Variants in PTPRN2 observed in about 807,000 individuals in gnomAD.
PTPRN2 encodes the protein receptor-type tyrosine-protein phosphatase N2.
In PTPRN2, 74 loss-of-function variants were observed where a neutral mutation model predicts 118.8. The observed-to-expected ratio is 0.62, with a 90% CI of 0.52 to 0.76. PTPRN2 has a LOEUF of 0.76. PTPRN2 is among the 30% of genes least tolerant of loss of function. The probability of loss-of-function intolerance (pLI) is 0.00; values close to 1 mark genes in which losing one functional copy is unlikely to be tolerated. For missense variants in PTPRN2, 1,481 were observed against 1,394.4 expected, an observed-to-expected ratio of 1.06 and a Z score of -0.99; for synonymous variants, 641 against 608.0, an observed-to-expected ratio of 1.05 and a Z score of -0.80.
Position 157,903,076 on chromosome 7 carries a change from G to A in PTPRN2, c.1724-4339C>T, listed in dbSNP as rs911848935. Among the ~76,000 whole-genome samples, 8 of 152,078 alleles carry A rather than the reference G, an allele frequency of 5.3e-5. No individual in the cohort carries two copies. The highest frequency in any genetic ancestry group is 9.7e-5 in the African/African-American group (4 of 41,390). On this transcript the variant is annotated intron_variant, in intron 11 of 22. Transcript: ENST00000389418. The surrounding 1 kb of genome is among the most constrained non-coding windows in gnomAD (Gnocchi z 4.2). The stretch of plus-strand genomic sequence containing the variant: ...TTAACGCAAAAGCAGAAAGCCACAC[G>A]CTGCCACACACTCTCACACGGAAGC...
At chr7:158,154,283 C>T (rs1211260053) in intron 6 of PTPRN2, among the ~76,000 whole-genome samples, 1 of 152,214 alleles carries the variant, frequency 6.6e-6, no homozygotes, top group East Asian at 1.9e-4. Flanking sequence ...GGAAACCCAT[C>T]CAGCCTCTTC....
At chr7:158,159,313 C>T (rs941411481) in intron 6 of PTPRN2, among the ~76,000 whole-genome samples, 7 of 152,236 alleles carry the variant, frequency 4.6e-5, no homozygotes, top group Admixed American at 6.5e-5. Flanking sequence ...CATGAGTTTC[C>T]GAGTGCACTT....
At chr7:158,489,196 A>G (rs933833409) in intron 2 of PTPRN2, among the ~76,000 whole-genome samples, 1 of 152,224 alleles carries the variant, frequency 6.6e-6, no homozygotes, top group African/African-American at 2.4e-5. Flanking sequence ...CTGTAATCCC[A>G]GCAGTTTGGG....
intron 12 of PTPRN2, among the ~76,000 whole-genome samples, chr7:157,685,552 G>A (rs900249143): frequency 1.5e-4 from 23 of 152,130 alleles, no homozygotes; most frequent in African/African-American, 5.5e-4. Flanking sequence ...GGCAGGGGAC[G>A]CGCGGGGGCC....
intron 6 of PTPRN2, among the ~76,000 whole-genome samples, chr7:158,150,475 C>G (rs1355909559): frequency 6.6e-6 from 1 of 152,196 alleles, no homozygotes; most frequent in Non-Finnish European, 1.5e-5. Flanking sequence ...GCGGATGTTC[C>G]TGTGTCCCCT....
Position 158,071,366 on chromosome 7 carries a change from C to T in PTPRN2, c.1723+9932G>A, listed in dbSNP as rs1172303304. 1.9e-3 allele frequency among the ~76,000 whole-genome samples: 94 copies of T among 50,190 alleles called. 4 individuals are homozygous for T. The highest frequency in any genetic ancestry group is 6.2e-3 in the African/African-American group (73 of 11,764). The allele number at this position is 50,190 out of a possible 152,430, so 32.9% of individuals were successfully genotyped here. A position where few individuals can be genotyped will look rare whatever the true frequency, so the allele number is the denominator to read the frequency against. ...AGGTGCTCGTGGTGGTGGAGGTGCT[C>T]ATGGTGGTGGAGGTGCTCGTGGTGG... On this transcript the variant is annotated intron_variant, in intron 11 of 22. Coordinates refer to ENST00000389418, the MANE Select transcript of PTPRN2 (RefSeq NM_002847.5).
At chr7:157,927,096 C>G (rs1799044668) in intron 11 of PTPRN2, among the ~76,000 whole-genome samples, 1 of 132,800 alleles carries the variant, frequency 7.5e-6, no homozygotes, top group Non-Finnish European at 1.7e-5. Flanking sequence ...GACAGGAAGC[C>G]CCAGGGACCC....
chr7:158,173,578 A>G (rs1823910687), intron 5 of PTPRN2, among the ~76,000 whole-genome samples: 1 of 152,214 alleles, frequency 6.6e-6, no homozygotes, highest in Non-Finnish European at 1.5e-5. Context: ...ACATCTTAAC[A>G]GGAAACAGGG....
rs1275044268 is a variant in PTPRN2, at chr7:158,570,557, C to G, written c.112+17001G>C. On this transcript the variant is annotated intron_variant, in intron 1 of 22. Coordinates refer to ENST00000389418, the MANE Select transcript of PTPRN2 (RefSeq NM_002847.5). This position sits in a 1 kb window ranked among gnomAD's most constrained non-coding sequence, Gnocchi z 4.5. ...CCCCGGCCGGCTCTGCCACTGAAGC[C>G]TCTCCCTGTGTCCTCCGTGCCCCCC... is the stretch of plus-strand genomic sequence containing the variant. Among the ~76,000 whole-genome samples, 1 of 152,176 alleles carries G rather than the reference C, an allele frequency of 6.6e-6. No individual in the cohort carries two copies. Among genetic ancestry groups the G allele is most frequent in the Non-Finnish European group, 1.5e-5 (1 of 68,034 alleles).
intron 3 of PTPRN2, among the ~76,000 whole-genome samples, chr7:158,246,716 A>G (rs1005151977): frequency 2.6e-5 from 4 of 151,998 alleles, no homozygotes; most frequent in African/African-American, 9.7e-5. Flanking sequence ...AAGGCCGACC[A>G]ATGTGTGGGA....
rs1455975952 is a variant in PTPRN2, at chr7:157,868,714, CAACAGCGGTCGTTCTTCATTGTA to C, written c.1788+29936_1788+29958del. On this transcript the variant is annotated intron_variant, in intron 12 of 22. Transcript: ENST00000389418. The surrounding 1 kb of genome is among the most constrained non-coding windows in gnomAD (Gnocchi z 5.2). ...CCACCTGCCCACTCGCCCATCCACT[CAACAGCGGTCGTTCTTCATTGTA>C]TTGTGAGCTCCCTCTGGGCTGTGCA... 3 of 152,264 alleles carry C rather than the reference CAACAGCGGTCGTTCTTCATTGTA, an allele frequency of 2.0e-5. No homozygotes were observed. The highest frequency in any genetic ancestry group is 7.2e-5 in the African/African-American group (3 of 41,446). The allele number at this position is 152,264 out of a possible 1,614,324, so 9.4% of individuals were successfully genotyped here.
intron 11 of PTPRN2, among the ~76,000 whole-genome samples, chr7:158,077,237 T>C (rs1209905078): frequency 6.6e-6 from 1 of 152,036 alleles, no homozygotes; most frequent in African/African-American, 2.4e-5. Flanking sequence ...GTGGACCCGC[T>C]ACATATGAGA....
intron 12 of PTPRN2, among the ~76,000 whole-genome samples, chr7:157,855,258 C>T (rs960617842): frequency 6.6e-6 from 1 of 152,136 alleles, no homozygotes; most frequent in African/African-American, 2.4e-5. Context: ...TGCTGACTCT[C>T]GTGCTCTGCG....
Position 157,964,829 on chromosome 7 carries a change from G to A in PTPRN2, c.1724-66092C>T, listed in dbSNP as rs926828486. 3.3e-5 allele frequency among the ~76,000 whole-genome samples: 5 copies of A among 152,202 alleles called. No homozygotes were observed. The highest frequency in any genetic ancestry group is 1.9e-4 in the East Asian group (1 of 5,196). ...GATCCCCATGGCCTGTTCTTTCGAC[G>A]ATCCTCCTCTTGCCCCAATTTCTCC... On this transcript the variant is annotated intron_variant, in intron 11 of 22. Coordinates refer to ENST00000389418, the MANE Select transcript of PTPRN2 (RefSeq NM_002847.5). This position sits in a 1 kb window ranked among gnomAD's most constrained non-coding sequence, Gnocchi z 9.0.
intron 3 of PTPRN2, among the ~76,000 whole-genome samples, chr7:158,289,683 A>T (rs1799980601): frequency 1.3e-5 from 1 of 76,234 alleles, no homozygotes; most frequent in African/African-American, 6.6e-5. Flanking sequence ...CTGCTGGGAG[A>T]TTATTGTGGT....
chr7:158,179,409 T>TC (rs1484558759), intron 5 of PTPRN2, among the ~76,000 whole-genome samples: 1 of 152,204 alleles, frequency 6.6e-6, no homozygotes, highest in East Asian at 1.9e-4. Flanking sequence ...TGGTCCTTTG[T>TC]CAGATGCATA....
At chr7:158,272,760 G>A (rs1798599363) in intron 3 of PTPRN2, among the ~76,000 whole-genome samples, 1 of 152,216 alleles carries the variant, frequency 6.6e-6, no homozygotes, top group Admixed American at 6.5e-5. Flanking sequence ...AGACTGCAGA[G>A]TGAGGTGAAA....
chr7:158,330,872 GT>G (rs1804243905), intron 2 of PTPRN2, among the ~76,000 whole-genome samples: 15 of 100,078 alleles, frequency 1.5e-4, no homozygotes, highest in African/African-American at 5.4e-4. Flanking sequence ...GCCCGCAGAC[GT>G]CATTCACACC....
rs947788786 is a variant in PTPRN2, at chr7:157,611,706, C to T, written c.2345-7631G>A. The stretch of plus-strand genomic sequence containing the variant: ...GGGAGGGAGAGCGCCCGTGTGAAGA[C>T]GAAGACAGCCGCGGTCATGCTGGGG... On this transcript the variant is annotated intron_variant, in intron 15 of 22. Coordinates refer to ENST00000389418, the MANE Select transcript of PTPRN2 (RefSeq NM_002847.5). The surrounding 1 kb of genome is among the most constrained non-coding windows in gnomAD (Gnocchi z 5.9). Among the ~76,000 whole-genome samples the T allele has an allele frequency of 6.6e-5, 10 of 152,062 alleles. No individual in the cohort carries two copies. The highest frequency in any genetic ancestry group is 1.3e-4 in the Admixed American group (2 of 15,290).
Sources: allele counts gnomAD v4.1 joint callset (sites outside exome capture counted in the v4.1 genomes callset), GRCh38; gene constraint gnomAD v4.1.1; non-coding constraint Gnocchi (gnomAD v3.1); transcripts MANE v1.5; gene names NCBI Gene and HGNC (gene_info 2026-07-23, HGNC 2026-07-21).